Variants in HS3ST5 observed in about 807,000 individuals in gnomAD.
HS3ST5 encodes heparan sulfate-glucosamine 3-sulfotransferase 5.
Under a neutral mutation model 25.4 loss-of-function variants are expected in HS3ST5, and 10 were observed. The observed-to-expected ratio is 0.39, with a 90% CI of 0.24 to 0.67. The LOEUF (loss-of-function observed/expected upper bound fraction) is 0.67, where lower values mean the gene tolerates loss of function less well. Ranked by LOEUF, HS3ST5 falls within the 30% of genes least tolerant of loss-of-function variation. The probability of loss-of-function intolerance (pLI) is 0.44; values close to 1 mark genes in which losing one functional copy is unlikely to be tolerated. For missense variants in HS3ST5, 324 were observed against 420.7 expected (o/e 0.77, Z 2.01); for synonymous variants, 170 against 162.4 (o/e 1.05, Z -0.36).
At chr6:114,203,062 A>T (rs531331123) in intron 2 of HS3ST5, among the ~76,000 whole-genome samples, 66 of 152,346 alleles carry the variant, frequency 4.3e-4, no homozygotes, top group African/African-American at 1.5e-3. Flanking sequence ...TGGGAAATTG[A>T]CAATTAATAC....
chr6:114,161,526 T>TATATATATAC (rs1254499610), intron 3 of HS3ST5, among the ~76,000 whole-genome samples: 1 of 22,858 alleles, frequency 4.4e-5, no homozygotes, highest in Non-Finnish European at 7.8e-5. Context: ...AAGTTTTATA[T>TATATATATAC]ATATATATAT....
chr6:114,088,228 C>CA (rs1774940409), intron 3 of HS3ST5, among the ~76,000 whole-genome samples: 1 of 152,094 alleles, frequency 6.6e-6, no homozygotes, highest in African/African-American at 2.4e-5. Flanking sequence ...CATAAAATCC[C>CA]AGCACCTGAA....
chr6:114,139,722 C>T (rs1777812991), intron 3 of HS3ST5, among the ~76,000 whole-genome samples: 1 of 152,148 alleles, frequency 6.6e-6, no homozygotes. Flanking sequence ...ATTTATGCAT[C>T]ATCTTCAACT....
chr6:114,216,278 T>G (rs190085622), intron 2 of HS3ST5, among the ~76,000 whole-genome samples: 2 of 152,234 alleles, frequency 1.3e-5, no homozygotes, highest in African/African-American at 4.8e-5. Flanking sequence ...CTGTGACTTG[T>G]TAACTTGCAG....
At chr6:114,075,181 T>C (rs1332939144) in intron 3 of HS3ST5, among the ~76,000 whole-genome samples, 3 of 152,246 alleles carry the variant, frequency 2.0e-5, no homozygotes, top group Admixed American at 1.3e-4. Flanking sequence ...AAGATCCGCA[T>C]CATCTGTTAA....
Position 114,162,732 on chromosome 6 carries a change from C to A in HS3ST5, c.-33+5619G>T, listed in dbSNP as rs533768289. ...ATCTGCTTCCTGGCCACTTGCACCACATGCACCTGCCTGACCAGTGCTGTC... is the reference window on the plus strand; with the variant it reads ...ATCTGCTTCCTGGCCACTTGCACCAAATGCACCTGCCTGACCAGTGCTGTC... On this transcript the variant is annotated intron_variant, in intron 3 of 4. Coordinates refer to ENST00000312719, the MANE Select transcript of HS3ST5 (RefSeq NM_153612.4). Among the ~76,000 whole-genome samples, 211 of 152,318 alleles carry A rather than the reference C, an allele frequency of 1.4e-3. 1 individual carries two copies. The highest frequency in any genetic ancestry group is 3.4e-3 in the Middle Eastern group (1 of 294).
chr6:114,186,038 G>T, intron 2 of HS3ST5, among the ~76,000 whole-genome samples: 1 of 152,092 alleles, frequency 6.6e-6, no homozygotes, highest in African/African-American at 2.4e-5. Context: ...ATCAATAAAT[G>T]TTGGGTATTC....
At chr6:114,256,653 C>T (rs1390892117) in intron 1 of HS3ST5, among the ~76,000 whole-genome samples, 1 of 152,094 alleles carries the variant, frequency 6.6e-6, no homozygotes, top group Non-Finnish European at 1.5e-5. Context: ...TTTCATTGTC[C>T]ATATCATTAT....
chr6:114,151,200 C>G (rs1317750362), intron 3 of HS3ST5, among the ~76,000 whole-genome samples: 1 of 152,176 alleles, frequency 6.6e-6, no homozygotes, highest in Non-Finnish European at 1.5e-5. Context: ...CCAGCATTAT[C>G]TGACCCACAA....
intron 1 of HS3ST5, among the ~76,000 whole-genome samples, chr6:114,293,416 C>A (rs1345053171): frequency 6.6e-6 from 1 of 152,038 alleles, no homozygotes; most frequent in African/African-American, 2.4e-5. Context: ...ATTTGGTGGG[C>A]AAAGGGGAGT....
At chr6:114,208,408 C>T (rs1449000203) in intron 2 of HS3ST5, among the ~76,000 whole-genome samples, 2 of 152,190 alleles carry the variant, frequency 1.3e-5, no homozygotes, top group African/African-American at 4.8e-5. Context: ...GGGCACTGGT[C>T]ATTCACCCAG....
intron 1 of HS3ST5, among the ~76,000 whole-genome samples, chr6:114,320,121 T>A (rs187347348): frequency 2.1e-4 from 32 of 152,254 alleles, no homozygotes; most frequent in Non-Finnish European, 3.7e-4. Context: ...GAGTACTCTG[T>A]AGGTGACTGC....
chr6:114,240,641 T>G (rs1295669007), intron 1 of HS3ST5, among the ~76,000 whole-genome samples: 2 of 152,204 alleles, frequency 1.3e-5, no homozygotes, highest in Admixed American at 6.5e-5. Flanking sequence ...GTAAAAAAGC[T>G]CGCCATGTAA....
chr6:114,317,257 G>A (rs1775779416), intron 1 of HS3ST5, among the ~76,000 whole-genome samples: 1 of 152,132 alleles, frequency 6.6e-6, no homozygotes, highest in Admixed American at 6.6e-5. Context: ...AAAATATATA[G>A]GTCAATCTTG....
At chr6:114,082,944 C>T (rs971920684) in intron 3 of HS3ST5, among the ~76,000 whole-genome samples, 2 of 152,194 alleles carry the variant, frequency 1.3e-5, no homozygotes, top group African/African-American at 4.8e-5. Context: ...GGGATAAGAA[C>T]CCCTTCCCCT....
At chr6:114,095,044 T>A (rs1364827038) in intron 3 of HS3ST5, among the ~76,000 whole-genome samples, 1 of 152,182 alleles carries the variant, frequency 6.6e-6, no homozygotes, top group Non-Finnish European at 1.5e-5. Context: ...GATGGCAGTC[T>A]TGTGAGACTC....
intron 1 of HS3ST5, among the ~76,000 whole-genome samples, chr6:114,310,659 C>T (rs1305361470): frequency 2.6e-5 from 4 of 151,826 alleles, no homozygotes; most frequent in Admixed American, 2.6e-4. Flanking sequence ...GTGGTTATGT[C>T]CCCAAAAACT....
At chr6:114,226,527 C>T (rs1771297407) in intron 2 of HS3ST5, among the ~76,000 whole-genome samples, 1 of 151,808 alleles carries the variant, frequency 6.6e-6, no homozygotes, top group African/African-American at 2.4e-5. Flanking sequence ...GTTTACTACT[C>T]ATTGTGTTAG....
intron 1 of HS3ST5, among the ~76,000 whole-genome samples, chr6:114,260,696 C>T (rs1773132608): frequency 1.3e-5 from 2 of 152,250 alleles, no homozygotes; most frequent in South Asian, 2.1e-4. Context: ...TACTTGAAGC[C>T]ATCCTCTACG....
Sources: gnomAD v4.1 joint callset for allele counts (sites outside exome capture counted in the v4.1 genomes callset) on GRCh38, gnomAD v4.1.1 for gene constraint, MANE v1.5 for transcripts, NCBI Gene and HGNC (gene_info 2026-07-23, HGNC 2026-07-21) for gene names.